GYPE: variants seen among roughly 807,000 people sequenced by gnomAD.
The protein encoded by GYPE is glycophorin E (MNS blood group).
A neutral mutation model predicts 11.6 loss-of-function variants in GYPE; 8 were observed. The observed-to-expected ratio is 0.69, with a 90% CI of 0.41 to 1.25. GYPE has a LOEUF of 1.25. GYPE is among the 50% of genes most tolerant of loss of function. The pLI is 0.01. For synonymous variants in GYPE, 28 were observed against 29.6 expected, an observed-to-expected ratio of 0.94 and a Z score of 0.18; for missense variants, 90 against 92.8, an observed-to-expected ratio of 0.97 and a Z score of 0.12.
At chr4:143,874,577 T>C (rs973776100) in intron 3 of GYPE, among the ~76,000 whole-genome samples, 2 of 152,248 alleles carry the variant, frequency 1.3e-5, no homozygotes, top group African/African-American at 4.8e-5. Context: ...GGCCAAGGCC[T>C]GCTCTACGTC....
At chr4:143,902,715 T>C (rs1163237334) in intron 1 of GYPE, among the ~76,000 whole-genome samples, 1 of 152,042 alleles carries the variant, frequency 6.6e-6, no homozygotes, top group Non-Finnish European at 1.5e-5. Context: ...TCGGGAACTG[T>C]GCTAGATTCT....
At chr4:143,903,420 G>T (rs1406348789) in intron 1 of GYPE, among the ~76,000 whole-genome samples, 1 of 146,584 alleles carries the variant, frequency 6.8e-6, no homozygotes, top group Non-Finnish European at 1.5e-5. Context: ...TAGAAAAAAT[G>T]GTTCTCCATT....
chr4:143,881,156 A>G (rs1315545407), intron 1 of GYPE, among the ~76,000 whole-genome samples: 2 of 150,794 alleles, frequency 1.3e-5, no homozygotes, highest in Admixed American at 6.7e-5. Flanking sequence ...ACCACTGCAC[A>G]CTCCAGCCTG....
At chr4:143,900,249 T>C (rs533633848) in intron 1 of GYPE, among the ~76,000 whole-genome samples, 34 of 128,310 alleles carry the variant, frequency 2.6e-4, no homozygotes, top group African/African-American at 8.9e-4. Context: ...TGAAAAACCA[T>C]TTCATACCCT....
At chr4:143,875,376 A>G in intron 3 of GYPE, 2 of 1,224,564 alleles carry the variant, frequency 1.6e-6, no homozygotes, top group Admixed American at 2.0e-5. Flanking sequence ...GCAGGAGAAC[A>G]GGGAGTTAGG....
chr4:143,905,399 A>G (rs1366846522), intron 1 of GYPE, 72 bp downstream of exon 1: 5 of 1,606,404 alleles, frequency 3.1e-6, no homozygotes, highest in Non-Finnish European at 4.3e-6. Flanking sequence ...GAACTAAAAT[A>G]GGGTAGTTTA....
intron 1 of GYPE, among the ~76,000 whole-genome samples, chr4:143,898,048 G>C (rs1051275375): frequency 2.8e-5 from 2 of 71,462 alleles, no homozygotes; most frequent in African/African-American, 7.7e-5. Context: ...TTATGGTTTT[G>C]TATTAAAAGA....
rs1743765258 is a variant in GYPE at position 143,875,588 on chromosome 4, T to C, written c.*9+1158A>G. ...CGCCTCCACTTCAGCCTCTGATTGG[T>C]CACAGGCCAATCCTTCATAGGGTGT... On this transcript the variant is annotated intron_variant, in intron 3 of 3. Transcript: ENST00000358615. 1.2e-5 allele frequency: 18 copies of C among 1,543,926 alleles called. No individual in the cohort carries two copies. In the South Asian group the frequency reaches 2.0e-4, roughly 17 times the overall value.
Position 143,876,965 on chromosome 4 carries a change from A to G in GYPE, c.137-110T>C, listed in dbSNP as rs1249425291. 1.6e-4 allele frequency: 113 copies of G among 703,040 alleles called. 2 individuals are homozygous for G. The highest frequency in any genetic ancestry group is 3.7e-5 in the Non-Finnish European group (14 of 380,392). 43.6% of individuals were successfully genotyped at this position (703,040 alleles called of 1,614,324 possible). A position where few individuals can be genotyped will look rare whatever the true frequency, so the allele number is the denominator to read the frequency against. On this transcript the variant is annotated intron_variant, in intron 2 of 3. Transcript: ENST00000358615. ...TAACATCACCTTGCCTTTTAATAGA[A>G]AGTACAATTAATATACTATCATGTG...
In GYPE at chr4:143,874,060, G is replaced by C. The variant is rs114902440; in HGVS notation, c.*10-1808C>G. Among the ~76,000 whole-genome samples the C allele has an allele frequency of 3.4e-3, 518 of 152,188 alleles. 7 individuals are homozygous for C. The highest frequency in any genetic ancestry group is 0.012 in the African/African-American group (509 of 41,518). ...TGTAGACTAATGTAACTCTGTTAGG[G>C]AGATGTGTACTAGCAACTGTCTTGT... On this transcript the variant is annotated intron_variant, in intron 3 of 3. Coordinates refer to ENST00000358615, the MANE Select transcript of GYPE (RefSeq NM_198682.3).
At chr4:143,889,132 G>A (rs1319971415) in intron 1 of GYPE, among the ~76,000 whole-genome samples, 1 of 148,872 alleles carries the variant, frequency 6.7e-6, no homozygotes, top group East Asian at 2.0e-4. Context: ...TTCCTAACTT[G>A]GTAGAGAAGG....
intron 1 of GYPE, among the ~76,000 whole-genome samples, chr4:143,889,565 C>G (rs1438597061): frequency 6.6e-6 from 1 of 152,104 alleles, no homozygotes. Context: ...TAGGGTCTCA[C>G]CATATTGCCC....
At chr4:143,904,285 A>C (rs913442197) in intron 1 of GYPE, among the ~76,000 whole-genome samples, 2 of 152,150 alleles carry the variant, frequency 1.3e-5, no homozygotes, top group African/African-American at 4.8e-5. Context: ...TAGAAAATGC[A>C]TAGTAAGCTT....
intron 1 of GYPE, among the ~76,000 whole-genome samples, chr4:143,898,179 C>G (rs1282269501): frequency 6.6e-6 from 1 of 152,090 alleles, no homozygotes; most frequent in African/African-American, 2.4e-5. Context: ...GAGTTGGAGA[C>G]CAGCCTGGGC....
At chr4:143,899,444 T>G (rs1560951734) in intron 1 of GYPE, among the ~76,000 whole-genome samples, 4 of 152,206 alleles carry the variant, frequency 2.6e-5, no homozygotes, top group South Asian at 4.1e-4. Context: ...AAAATGCACA[T>G]AATTTTTTTT....
At chr4:143,892,363 G>A (rs1744442522) in intron 1 of GYPE, among the ~76,000 whole-genome samples, 1 of 150,436 alleles carries the variant, frequency 6.6e-6, no homozygotes, top group African/African-American at 2.4e-5. Flanking sequence ...TTTTGAATGT[G>A]TTTGCTCTTG....
intron 1 of GYPE, among the ~76,000 whole-genome samples, chr4:143,893,779 A>G (rs1204686903): frequency 6.6e-6 from 1 of 151,930 alleles, no homozygotes; most frequent in African/African-American, 2.4e-5. Context: ...GAATCTGACA[A>G]TTACGTGTCT....
At chr4:143,891,826 T>C (rs1327315171) in intron 1 of GYPE, among the ~76,000 whole-genome samples, 1 of 152,098 alleles carries the variant, frequency 6.6e-6, no homozygotes, top group Non-Finnish European at 1.5e-5. Context: ...GTCAAGATGG[T>C]GCATTCCTCT....
intron 1 of GYPE, among the ~76,000 whole-genome samples, chr4:143,887,681 C>G (rs72615973): frequency 0.9 from 124,011 of 138,076 alleles, 56,217 homozygotes; most frequent in South Asian, 0.96. Flanking sequence ...CTTAGGGCAC[C>G]TAGCAGGCAA....
Sources: allele counts gnomAD v4.1 joint callset (sites outside exome capture counted in the v4.1 genomes callset), GRCh38; gene constraint gnomAD v4.1.1; transcripts MANE v1.5; gene names NCBI Gene and HGNC (gene_info 2026-07-23, HGNC 2026-07-21).